Variants in EPB41L2 observed in about 807,000 individuals in gnomAD.
The protein encoded by EPB41L2 is erythrocyte membrane protein band 4.1 like 2, also known as band 4.1-like protein 2.
EPB41L2 carries 43 observed loss-of-function variants against 113.0 expected under a neutral mutation model. The observed-to-expected ratio is 0.38, with a 90% confidence interval of 0.30 to 0.49. EPB41L2 has a LOEUF of 0.49. EPB41L2 is among the 20% of genes least tolerant of loss of function. EPB41L2 has a pLI of 0.95. For missense variants in EPB41L2, 1,147 were observed against 1,223.4 expected, an observed-to-expected ratio of 0.94 and a Z score of 0.93; for synonymous variants, 442 against 436.7, an observed-to-expected ratio of 1.01 and a Z score of -0.15.
chr6:131,013,783 G>T (rs1787576644), intron 1 of EPB41L2, among the ~76,000 whole-genome samples: 1 of 152,218 alleles, frequency 6.6e-6, no homozygotes, highest in East Asian at 1.9e-4. Context: ...TTAGCATTAA[G>T]AAAGGGCCCC....
chr6:131,029,636 A>C (rs1416787193), intron 1 of EPB41L2, among the ~76,000 whole-genome samples: 1 of 152,188 alleles, frequency 6.6e-6, no homozygotes, highest in Non-Finnish European at 1.5e-5. Flanking sequence ...CTCAACGCCC[A>C]TGGAATCCTG....
chr6:130,994,728 C>T (rs1782656949), intron 1 of EPB41L2, among the ~76,000 whole-genome samples: 1 of 152,146 alleles, frequency 6.6e-6, no homozygotes, highest in Non-Finnish European at 1.5e-5. Flanking sequence ...AAACATAAAT[C>T]TTGGGGCCCC....
At chr6:130,933,966 G>A (rs3798251) in intron 3 of EPB41L2, among the ~76,000 whole-genome samples, 15,073 of 152,104 alleles carry the variant, frequency 0.099, 879 homozygotes, top group Admixed American at 0.14. Flanking sequence ...GATGGGAAGC[G>A]CACAATGCAA....
At chr6:131,021,583 C>T (rs144389356) in intron 1 of EPB41L2, among the ~76,000 whole-genome samples, 1 of 152,044 alleles carries the variant, frequency 6.6e-6, no homozygotes, top group Non-Finnish European at 1.5e-5. Context: ...ATCCCTTGAA[C>T]CCGGGAGGCA....
intron 4 of EPB41L2, among the ~76,000 whole-genome samples, chr6:130,914,054 G>T (rs969838597): frequency 6.6e-6 from 1 of 152,134 alleles, no homozygotes; most frequent in African/African-American, 2.4e-5. Context: ...AGAAATACAC[G>T]CAGTAAAATT....
At chr6:131,009,673 CAA>C (rs1192188835) in intron 1 of EPB41L2, among the ~76,000 whole-genome samples, 4 of 133,680 alleles carry the variant, frequency 3.0e-5, no homozygotes, top group Non-Finnish European at 1.6e-5. Context: ...CCACCCCCAC[CAA>C]AAAAAAAAAA....
At chr6:130,888,107 T>C (rs1396702956) in intron 11 of EPB41L2, among the ~76,000 whole-genome samples, 1 of 152,072 alleles carries the variant, frequency 6.6e-6, no homozygotes, top group Non-Finnish European at 1.5e-5. Context: ...AAAAAGAAAA[T>C]ACAATACATG....
rs1377436530 is a variant in EPB41L2 at position 130,865,649 on chromosome 6, G to A, written c.2731-15C>T. 1 of 1,612,854 alleles carries A rather than the reference G, an allele frequency of 6.2e-7. No individual in the cohort carries two copies. The highest frequency in any genetic ancestry group is 2.2e-5 in the East Asian group (1 of 44,866). ...CCGCCATCAATCTTTGGATAGTTGG[G>A]GGAAAAATACAAAGTAATGCTTAAC... On this transcript the variant is annotated splice_polypyrimidine_tract_variant and intron_variant, in intron 16 of 19. Coordinates refer to ENST00000337057, the MANE Select transcript of EPB41L2 (RefSeq NM_001431.4).
At chr6:130,942,167 C>T (rs1811108150) in intron 3 of EPB41L2, among the ~76,000 whole-genome samples, 2 of 152,108 alleles carry the variant, frequency 1.3e-5, no homozygotes, top group Non-Finnish European at 2.9e-5. Context: ...TCCATGTTTC[C>T]ACTTGGCCAC....
At chr6:130,906,272 T>C (rs1797695775) in intron 5 of EPB41L2, among the ~76,000 whole-genome samples, 3 of 152,326 alleles carry the variant, frequency 2.0e-5, no homozygotes, top group South Asian at 2.1e-4. Flanking sequence ...TTTTCTAATA[T>C]ACTTCCAAAT....
rs1817314177 is a variant in EPB41L2, at chr6:130,955,996, G to T, written c.490C>A (p.Gln164Lys). 1.2e-6 allele frequency: 2 copies of T among 1,608,094 alleles called. No individual in the cohort carries two copies. Among genetic ancestry groups the T allele is most frequent in the South Asian group, 2.2e-5 (2 of 89,866 alleles). ...EKPSVSKVEMQPTELVSKERE... is the reference protein window; with the variant it reads ...EKPSVSKVEMKPTELVSKERE... Reference sequence around the variant, plus strand: ...CAGGCAATTATTCCCAAACATACCTGCATCTCCACTTTGCTCACTGAGGGT... The same window carrying T: ...CAGGCAATTATTCCCAAACATACCTTCATCTCCACTTTGCTCACTGAGGGT... The change falls in exon 2 of 20, where the codon CAG becomes AAG. Residue 164 changes from glutamine (Q) to lysine (K), a missense_variant and splice_region_variant. Coordinates refer to ENST00000337057, the MANE Select transcript of EPB41L2 (RefSeq NM_001431.4).
intron 15 of EPB41L2, chr6:130,868,426 T>C (rs1784603637): frequency 2.0e-5 from 3 of 152,242 alleles, no homozygotes; most frequent in South Asian, 4.1e-4. Context: ...TTAATATTAA[T>C]GCAACACCAG....
intron 17 of EPB41L2, among the ~76,000 whole-genome samples, chr6:130,865,319 T>C (rs1433071878): frequency 6.6e-6 from 1 of 152,248 alleles, no homozygotes; most frequent in Admixed American, 6.5e-5. Context: ...ATTCGTAACA[T>C]ATTTTTACCC....
At chr6:130,867,430 C>T (rs550867452) in intron 16 of EPB41L2, 29 bp downstream of exon 16, 146 of 1,609,430 alleles carry the variant, frequency 9.1e-5, no homozygotes, top group Middle Eastern at 3.3e-4. Flanking sequence ...AAAAAGAGCT[C>T]GAACAGTCCA....
At chr6:130,865,418 T>C in intron 17 of EPB41L2, 118 bp downstream of exon 17, 1 of 982,068 alleles carries the variant, frequency 1.0e-6, no homozygotes, top group Non-Finnish European at 1.5e-6. Flanking sequence ...GGCATTTTGA[T>C]TCCGCTGGCA....
chr6:131,005,067 C>G (rs968755951), intron 1 of EPB41L2, among the ~76,000 whole-genome samples: 1 of 152,064 alleles, frequency 6.6e-6, no homozygotes, highest in African/African-American at 2.4e-5. Flanking sequence ...CACACTCAGA[C>G]GTCAATGCTA....
chr6:130,906,635 GT>G (rs1359143021), intron 5 of EPB41L2, among the ~76,000 whole-genome samples: 3 of 152,114 alleles, frequency 2.0e-5, no homozygotes, highest in African/African-American at 7.2e-5. Flanking sequence ...GAAAATAAAG[GT>G]TTTAAGGCAA....
intron 1 of EPB41L2, among the ~76,000 whole-genome samples, chr6:130,997,974 AT>A (rs1783535687): frequency 6.6e-6 from 1 of 152,224 alleles, no homozygotes; most frequent in Admixed American, 6.5e-5. Flanking sequence ...AACTGAATTA[AT>A]TTGATTCATA....
At chr6:130,993,010 C>T (rs1192533990) in intron 1 of EPB41L2, among the ~76,000 whole-genome samples, 1 of 152,150 alleles carries the variant, frequency 6.6e-6, no homozygotes, top group Non-Finnish European at 1.5e-5. Context: ...TAGCCTGGCA[C>T]ACACTAAGAC....
Sources: gnomAD v4.1 joint callset for allele counts (sites outside exome capture counted in the v4.1 genomes callset) on GRCh38, gnomAD v4.1.1 for gene constraint, MANE v1.5 for transcripts, NCBI Gene and HGNC (gene_info 2026-07-23, HGNC 2026-07-21) for gene names.